The following ZNF668 variants were observed in gnomAD, a reference collection of about 807,000 sequenced individuals.
The protein encoded by ZNF668 is zinc finger protein 668.
A neutral mutation model predicts 40.3 loss-of-function variants in ZNF668; 10 were observed. The ratio of observed to expected loss-of-function variants is 0.25; its 90% confidence interval spans 0.15 to 0.42. ZNF668 has a LOEUF of 0.42. Among genes scored for constraint, ZNF668 ranks in the 10% least tolerant of loss-of-function variants. The pLI is 1.00. For missense variants in ZNF668, 749 were observed against 904.6 expected (o/e 0.83, Z 2.21); for synonymous variants, 428 against 384.6 (o/e 1.11, Z -1.32).
rs1404675242 is a variant in ZNF668, at chr16:31,062,599, C to T, written c.648-319G>A. The T allele has an allele frequency of 1.2e-5, 3 of 248,044 alleles. No homozygotes were observed. The South Asian group carries it at 1.9e-4, about 15-fold the overall frequency. The allele number at this position is 248,044 out of a possible 1,614,324, so 15.4% of individuals were successfully genotyped here. On this transcript the variant is annotated intron_variant, in intron 2 of 2. Coordinates refer to ENST00000300849, the MANE Select transcript of ZNF668 (RefSeq NM_024706.5). Reference sequence around the variant, plus strand: ...CTAACACGGTGAAACCCCGTCTCTACTAAAACTATAAAAAATTAGCCAGGC... The same window carrying T: ...CTAACACGGTGAAACCCCGTCTCTATTAAAACTATAAAAAATTAGCCAGGC...
chr16:31,063,954 G>C lies in ZNF668; in HGVS notation c.506C>G (p.Ala169Gly). ...AAAGCTCTTGCCGCAGTCGGCGCAG[G>C]CGTAAGGCCGCTCGCCTGTGTGGCC... ...QRGHTGERPY[A>G]CADCGKSFAD... Residue 169 changes from alanine (A) to glycine (G), a missense_variant, in exon 2 of 3, where the codon GCC becomes GGC. By Grantham distance (60) the Ala-to-Gly change is moderately conservative. Transcript: ENST00000300849. 1 of 1,607,052 alleles carries C rather than the reference G, an allele frequency of 6.2e-7. No individual in the cohort carries two copies. Among genetic ancestry groups the C allele is most frequent in the Non-Finnish European group, 8.5e-7 (1 of 1,177,122 alleles).
chr16:31,069,486 T>C (rs1442100624), intron 1 of ZNF668, among the ~76,000 whole-genome samples: 2 of 152,146 alleles, frequency 1.3e-5, no homozygotes, highest in African/African-American at 4.8e-5. Flanking sequence ...TTGGTGTTAT[T>C]TGGATCTCAG....
rs1347182688 is a variant in ZNF668 at position 31,061,591 on chromosome 16, G to A, written c.1337C>T (p.Pro446Leu). Reference protein sequence around the residue: ...VGVAGESSAAPAAGAGLGDPP... With the variant: ...VGVAGESSAALAAGAGLGDPP... ...GTCCCCCAGCCCCGCCCCTGCTGCC[G>A]GGGCGGCTGAACTCTCACCTGCCAC... The change falls in exon 3 of 3, where the codon CCG becomes CTG. Residue 446 changes from proline to leucine, a missense_variant. Physicochemically the swap from Pro to Leu is moderately conservative, Grantham distance 98. Around this residue, in one of 4 missense-constraint regions of ZNF668, gnomAD observed 310 missense variants for 355.1 expected, o/e 0.87. Coordinates refer to ENST00000300849, the MANE Select transcript of ZNF668 (RefSeq NM_024706.5). This position sits in a 1 kb window ranked among gnomAD's most constrained non-coding sequence, Gnocchi z 7.7. The A allele has an allele frequency of 9.9e-6, 16 of 1,608,760 alleles. No individual in the cohort carries two copies. Among genetic ancestry groups the A allele is most frequent in the Middle Eastern group, 1.6e-4 (1 of 6,082 alleles).
At chr16:31,072,208 G>A (rs550737279) in intron 1 of ZNF668, among the ~76,000 whole-genome samples, 8 of 152,258 alleles carry the variant, frequency 5.3e-5, no homozygotes, top group Non-Finnish European at 8.8e-5. Flanking sequence ...GTCCAGGCTG[G>A]CAAAGGGCTA....
chr16:31,062,759 GTC>G (rs1277339010), intron 2 of ZNF668: 1 of 57,332 alleles, frequency 1.7e-5, no homozygotes, highest in Non-Finnish European at 3.0e-5. Context: ...GCGAGACTCC[GTC>G]TCAAAAAAAA....
intron 1 of ZNF668, chr16:31,072,918 AG>A (rs2057027227): frequency 6.6e-6 from 1 of 152,298 alleles, no homozygotes; most frequent in Admixed American, 6.5e-5. Flanking sequence ...TAGTGCCCTC[AG>A]GAATACTTTA....
At chr16:31,066,372 C>G (rs2056981937) in intron 1 of ZNF668, 1 of 985,412 alleles carries the variant, frequency 1.0e-6, no homozygotes, top group Non-Finnish European at 1.2e-6. Flanking sequence ...CTTATTCTCA[C>G]TTGGTTATTT....
In ZNF668 at chr16:31,061,442, C is replaced by T; in HGVS notation, c.1486G>A (p.Gly496Ser). ...CQDAGVREAP[G>S]PLEGAGEAGG... The stretch of plus-strand genomic sequence containing the variant: ...GCCTCGCCTGCCCCTTCCAAGGGAC[C>T]AGGAGCCTCCCGGACACCAGCATCT... The change falls in exon 3 of 3, where the codon GGT becomes AGT. Residue 496 changes from glycine (G) to serine (S), a missense_variant. By Grantham distance (56) the Gly-to-Ser change is moderately conservative. Coordinates refer to ENST00000300849, the MANE Select transcript of ZNF668 (RefSeq NM_024706.5). This position sits in a 1 kb window ranked among gnomAD's most constrained non-coding sequence, Gnocchi z 7.7. The T allele has an allele frequency of 6.2e-7, 1 of 1,613,870 alleles. No homozygotes were observed. The highest frequency in any genetic ancestry group is 2.2e-5 in the East Asian group (1 of 44,876).
rs976719152 is a variant in ZNF668, at chr16:31,061,365, G to C, written c.1563C>G (p.Cys521Trp). The change falls in exon 3 of 3, where the codon TGC becomes TGG. Residue 521 changes from cysteine (C) to tryptophan (W), a missense_variant. Around this residue, in one of 4 missense-constraint regions of ZNF668, gnomAD observed 310 missense variants for 355.1 expected, o/e 0.87. Transcript: ENST00000300849. The surrounding 1 kb of genome is among the most constrained non-coding windows in gnomAD (Gnocchi z 7.7). ...GCGTCATTGTGGAGAAGGTCTCCTT[G>C]CACTCTCGGCACACAAACTGGGGGG... ...EKPPQFVCRE[C>W]KETFSTMTLL... 2 of 1,613,392 alleles carry C rather than the reference G, an allele frequency of 1.2e-6. No homozygotes were observed. Among genetic ancestry groups the C allele is most frequent in the Admixed American group, 1.7e-5 (1 of 59,992 alleles).
chr16:31,067,462 T>C (rs1258010819), intron 1 of ZNF668, among the ~76,000 whole-genome samples: 2 of 152,170 alleles, frequency 1.3e-5, no homozygotes, highest in Non-Finnish European at 2.9e-5. Context: ...AGATTTTGCC[T>C]CCATCACTTC....
At chr16:31,064,580 CCACA>C (rs2056967698) in intron 1 of ZNF668, 99 bp from the exon 2 acceptor site, 1 of 1,562,028 alleles carries the variant, frequency 6.4e-7, no homozygotes, top group African/African-American at 1.4e-5. Flanking sequence ...ACCTCGGAAC[CCACA>C]CATCCTTCCT....
rs1300381420 is a variant in ZNF668, at chr16:31,061,245, T to A, written c.1683A>T (p.Lys561Asn). The A allele has an allele frequency of 6.5e-7, 1 of 1,536,708 alleles. No individual in the cohort carries two copies. Among genetic ancestry groups the A allele is most frequent in the Non-Finnish European group, 8.7e-7 (1 of 1,142,884 alleles). Residue 561 changes from lysine (K) to asparagine (N), a missense_variant, in exon 3 of 3, where the codon AAA becomes AAT. Transcript: ENST00000300849. The surrounding 1 kb of genome is among the most constrained non-coding windows in gnomAD (Gnocchi z 7.7). ...GCACTGAGCTGTGAGTGCGGCTGTG[T>A]TTGCGCAGCCCAGCCCGGTCAGAGA... ...KSFSDRAGLR[K>N]HSRTHSSVRP...
chr16:31,063,765 G>C, intron 2 of ZNF668, 48 bp downstream of exon 2: 1 of 1,473,380 alleles, frequency 6.8e-7, no homozygotes, highest in Non-Finnish European at 9.0e-7. Context: ...CTGCAGCAAC[G>C]CTGTCGCCCT....
intron 1 of ZNF668, among the ~76,000 whole-genome samples, chr16:31,070,839 CTTA>C (rs1441616719): frequency 6.6e-6 from 1 of 151,358 alleles, no homozygotes; most frequent in African/African-American, 2.4e-5. Flanking sequence ...CCGTGCCTGG[CTTA>C]TTTTTATTTA....
Position 31,061,554 on chromosome 16 carries a change from C to A in ZNF668, c.1374G>T (p.Gly458=), listed in dbSNP as rs1381940729. The A allele has an allele frequency of 6.2e-7, 1 of 1,609,896 alleles. No homozygotes were observed. Residue 458 remains glycine, a synonymous_variant, in exon 3 of 3, where the codon GGG becomes GGT. Coordinates refer to ENST00000300849, the MANE Select transcript of ZNF668 (RefSeq NM_024706.5). This position sits in a 1 kb window ranked among gnomAD's most constrained non-coding sequence, Gnocchi z 7.7. ...AGAGLGDPPA[G]LLGLPPESGG... Reference sequence around the variant, plus strand: ...CTGACTCCGGGGGCAGCCCTAGCAGCCCTGCTGGAGGGTCCCCCAGCCCCG... The same window carrying A: ...CTGACTCCGGGGGCAGCCCTAGCAGACCTGCTGGAGGGTCCCCCAGCCCCG...
chr16:31,066,812 C>T (rs2143771147), intron 1 of ZNF668, among the ~76,000 whole-genome samples: 1 of 152,282 alleles, frequency 6.6e-6, no homozygotes, highest in African/African-American at 2.4e-5. Flanking sequence ...CCAAGGGATC[C>T]CTCCCTATTT....
chr16:31,071,780 G>A (rs1260959669), intron 1 of ZNF668, among the ~76,000 whole-genome samples: 1 of 152,076 alleles, frequency 6.6e-6, no homozygotes, highest in Non-Finnish European at 1.5e-5. Flanking sequence ...TTCCTTTATG[G>A]TGTCATCTGG....
chr16:31,064,244 C>G lies in ZNF668; in HGVS notation c.216G>C (p.Glu72Asp), dbSNP rs746636272. Reference sequence around the variant, plus strand: ...GCTTGGCCGCGGAGCCTGACACCTTCTCCCCACTGGCTTCCTCTGCCTTAG... The same window carrying G: ...GCTTGGCCGCGGAGCCTGACACCTTGTCCCCACTGGCTTCCTCTGCCTTAG... ...TEAKAEEASG[E>D]KVSGSAAKPR... The change falls in exon 2 of 3, where the codon GAG (glutamate) becomes GAC (aspartate). Residue 72 changes from glutamate to aspartate, a missense_variant. Transcript: ENST00000300849. 6.2e-6 allele frequency: 10 copies of G among 1,613,496 alleles called. No homozygotes were observed. Among genetic ancestry groups the G allele is most frequent in the African/African-American group, 2.7e-5 (2 of 74,962 alleles).
chr16:31,071,080 T>A (rs2057013535), intron 1 of ZNF668, among the ~76,000 whole-genome samples: 1 of 151,784 alleles, frequency 6.6e-6, no homozygotes, highest in Non-Finnish European at 1.5e-5. Context: ...GGTCTGGAAC[T>A]CCTGACCTCA....
Sources: gnomAD v4.1 joint callset for allele counts (sites outside exome capture counted in the v4.1 genomes callset) on GRCh38, gnomAD v4.1.1 for gene constraint, gnomAD v4.1.1 regional missense constraint, Gnocchi (gnomAD v3.1) non-coding constraint, MANE v1.5 for transcripts, NCBI Gene and HGNC (gene_info 2026-07-23, HGNC 2026-07-21) for gene names.